The following OSBPL5 variants were observed in gnomAD, a reference collection of about 807,000 sequenced individuals.
The protein encoded by OSBPL5 is oxysterol-binding protein-related protein 5.
OSBPL5 carries 71 observed loss-of-function variants against 111.2 expected under a neutral mutation model. The observed-to-expected ratio is 0.64, with a 90% CI of 0.53 to 0.78. The LOEUF (loss-of-function observed/expected upper bound fraction) is 0.78. Among genes scored for constraint, OSBPL5 ranks in the 30% least tolerant of loss-of-function variants. OSBPL5 has a pLI of 0.00. For missense variants in OSBPL5, 1,210 were observed against 1,189.3 expected (o/e 1.02, Z -0.26); for synonymous variants, 549 against 513.9 (o/e 1.07, Z -0.93).
rs902791091 is a variant in OSBPL5 at position 3,104,488 on chromosome 11, G to A, written c.1060-111C>T. 4.1e-6 allele frequency: 5 copies of A among 1,227,230 alleles called. No individual in the cohort carries two copies. The highest frequency in any genetic ancestry group is 5.6e-6 in the Non-Finnish European group (5 of 897,066). The allele number at this position is 1,227,230 out of a possible 1,614,324, so 76.0% of individuals were successfully genotyped here. The stretch of plus-strand genomic sequence containing the variant: ...GGCTGTACCTGCCACCCCTTAGGGT[G>A]TAAACCCCTGACCTGGCCTCCATGG... On this transcript the variant is annotated intron_variant, in intron 9 of 21. Transcript: ENST00000263650. The surrounding 1 kb of genome is among the most constrained non-coding windows in gnomAD (Gnocchi z 5.0).
At chr11:3,149,871 G>A (rs1460581276) in intron 1 of OSBPL5, among the ~76,000 whole-genome samples, 1 of 152,222 alleles carries the variant, frequency 6.6e-6, no homozygotes, top group African/African-American at 2.4e-5. Flanking sequence ...ATGCACGAGT[G>A]TGATGGTGGC....
chr11:3,103,763 A>T lies in OSBPL5; in HGVS notation c.1244+430T>A, dbSNP rs9735712. Among the ~76,000 whole-genome samples the T allele has an allele frequency of 3.9e-4, 20 of 51,232 alleles. 1 individual carries two copies. The South Asian group carries it at 8.8e-3, about 22-fold the overall frequency. The allele number at this position is 51,232 out of a possible 152,430, so 33.6% of individuals were successfully genotyped here. Reference sequence around the variant, plus strand: ...CTCTGCAACCCTCTTCCAGCTCTGCAGCCCCCTTCCAGCCTCTGCAGTCCC... The same window carrying T: ...CTCTGCAACCCTCTTCCAGCTCTGCTGCCCCCTTCCAGCCTCTGCAGTCCC... On this transcript the variant is annotated intron_variant, in intron 10 of 21. Transcript: ENST00000263650.
rs748843576 is a variant in OSBPL5, at chr11:3,126,502, T to C, written c.190A>G (p.Thr64Ala). 1.2e-6 allele frequency: 2 copies of C among 1,609,366 alleles called. No homozygotes were observed. Among genetic ancestry groups the C allele is most frequent in the Admixed American group, 3.3e-5 (2 of 59,718 alleles). The part of the protein sequence containing the change: ...PSLPRDEGPP[T>A]PSSATKVPPA... The stretch of plus-strand genomic sequence containing the variant: ...GGCACCTTCGTGGCAGAGCTTGGGG[T>C]CGGGGGCCCTTCATCCCTGGGCAGC... The change falls in exon 3 of 22, where the codon ACC becomes GCC. Residue 64 changes from threonine (T) to alanine (A), a missense_variant. Thr to Ala is a moderately conservative substitution (Grantham distance 58). Coordinates refer to ENST00000263650, the MANE Select transcript of OSBPL5 (RefSeq NM_020896.4). This position sits in a 1 kb window ranked among gnomAD's most constrained non-coding sequence, Gnocchi z 6.5.
At position 3,110,890 on chromosome 11, in the gene OSBPL5, G is replaced by A. The variant is rs552310051; in HGVS notation, c.692-2945C>T. On this transcript the variant is annotated intron_variant, in intron 7 of 21. Transcript: ENST00000263650. The surrounding 1 kb of genome is among the most constrained non-coding windows in gnomAD (Gnocchi z 5.3). Reference sequence around the variant, plus strand: ...CCAAACTGTGCTCTGACCACCCTGGGCACATCGTCAGGACCTCCTGAGGCT... The same window carrying A: ...CCAAACTGTGCTCTGACCACCCTGGACACATCGTCAGGACCTCCTGAGGCT... 1.3e-5 allele frequency among the ~76,000 whole-genome samples: 2 copies of A among 152,236 alleles called. No homozygotes were observed. Among genetic ancestry groups the A allele is most frequent in the South Asian group, 4.2e-4 (2 of 4,816 alleles).
chr11:3,143,689 G>A (rs1207596716), intron 1 of OSBPL5, among the ~76,000 whole-genome samples: 1 of 152,270 alleles, frequency 6.6e-6, no homozygotes, highest in Non-Finnish European at 1.5e-5. Flanking sequence ...GTGCTTGCCA[G>A]GGCCCGGCCC....
chr11:3,095,518 A>C (rs1048650924), intron 14 of OSBPL5, among the ~76,000 whole-genome samples: 2 of 152,122 alleles, frequency 1.3e-5, no homozygotes, highest in South Asian at 2.1e-4. Flanking sequence ...TGGGGTGTGC[A>C]GGGGGCCCCT....
chr11:3,126,419 C>G lies in OSBPL5; in HGVS notation c.219+54G>C. The G allele has an allele frequency of 6.8e-7, 1 of 1,477,864 alleles. No individual in the cohort carries two copies. The highest frequency in any genetic ancestry group is 1.4e-5 in the African/African-American group (1 of 70,996). The allele number at this position is 1,477,864 out of a possible 1,614,324, so 91.5% of individuals were successfully genotyped here. ...TGTCCTTTTCCCCAGCCGTTTCCTG[C>G]TGTCCCCAGAGCCAGGCTCTGGCTC... On this transcript the variant is annotated intron_variant, in intron 3 of 21. Transcript: ENST00000263650. This position sits in a 1 kb window ranked among gnomAD's most constrained non-coding sequence, Gnocchi z 6.5.
In OSBPL5 at chr11:3,089,932, G is replaced by A; in HGVS notation, c.2415C>T (p.Cys805=). The change falls in exon 21 of 22, where the codon TGC becomes TGT. Residue 805 remains cysteine, a synonymous_variant. Transcript: ENST00000263650. ...GCCGCGCCTCCTTCCTGCACCGAGG[G>A]CATGGGCTCTCACCGCCTGGGACGG... ...GDFVPGGESP[C]PRCRKEARRL... 1.3e-6 allele frequency: 2 copies of A among 1,556,774 alleles called. No individual in the cohort carries two copies. The highest frequency in any genetic ancestry group is 1.9e-5 in the Admixed American group (1 of 52,806).
At position 3,104,983 on chromosome 11, in the gene OSBPL5, C is replaced by A. The variant is rs1564831926; in HGVS notation, c.1060-606G>T. Among the ~76,000 whole-genome samples, 1 of 152,136 alleles carries A rather than the reference C, an allele frequency of 6.6e-6. No homozygotes were observed. The highest frequency in any genetic ancestry group is 1.5e-5 in the Non-Finnish European group (1 of 68,016). ...CCCCTCACTTCCGAAGCCTGTGTGC[C>A]CCTCACGAAGGCCCCCTCATCTCTT... On this transcript the variant is annotated intron_variant, in intron 9 of 21. Transcript: ENST00000263650. This position sits in a 1 kb window ranked among gnomAD's most constrained non-coding sequence, Gnocchi z 5.0.
rs551869993 is a variant in OSBPL5 at position 3,128,242 on chromosome 11, C to A, written c.136+771G>T. On this transcript the variant is annotated intron_variant, in intron 2 of 21. Coordinates refer to ENST00000263650, the MANE Select transcript of OSBPL5 (RefSeq NM_020896.4). ...CTCCCCCCAGGGCAGATGAGATGAC[C>A]ATGGCCAGGCAGGGCTGGGGCTCCC... Among the ~76,000 whole-genome samples the A allele has an allele frequency of 1.3e-3, 202 of 152,304 alleles. 1 individual carries two copies. The highest frequency in any genetic ancestry group is 4.5e-3 in the African/African-American group (187 of 41,570).
chr11:3,148,165 C>T (rs149220226), intron 1 of OSBPL5, among the ~76,000 whole-genome samples: 2,373 of 152,324 alleles, frequency 0.016, 17 homozygotes, highest in Non-Finnish European at 0.021. Context: ...ACAGTACAGC[C>T]GGGACTCCCC....
rs1421009437 is a variant in OSBPL5 at position 3,146,838 on chromosome 11, G to A, written c.-21-17669C>T. ...GGTCCCTGGCAGCCAGATCCCCTTC[G>A]CCGTGGCTGGAGCTGGCGTTTCTAT... On this transcript the variant is annotated intron_variant, in intron 1 of 21. Coordinates refer to ENST00000263650, the MANE Select transcript of OSBPL5 (RefSeq NM_020896.4). This position sits in a 1 kb window ranked among gnomAD's most constrained non-coding sequence, Gnocchi z 7.8. Among the ~76,000 whole-genome samples the A allele has an allele frequency of 1.3e-5, 2 of 152,116 alleles. No homozygotes were observed. Among genetic ancestry groups the A allele is most frequent in the Non-Finnish European group, 2.9e-5 (2 of 68,012 alleles).
Position 3,126,290 on chromosome 11 carries a change from C to A in OSBPL5, c.219+183G>T, listed in dbSNP as rs920337160. On this transcript the variant is annotated intron_variant, in intron 3 of 21. Transcript: ENST00000263650. This position sits in a 1 kb window ranked among gnomAD's most constrained non-coding sequence, Gnocchi z 6.5. ...TTTCATGACAGCTATATGGTGAAAACAGCCCAAATATCCACCAGCAGCCCT... is the reference window on the plus strand; with the variant it reads ...TTTCATGACAGCTATATGGTGAAAAAAGCCCAAATATCCACCAGCAGCCCT... Among the ~76,000 whole-genome samples, 4 of 152,190 alleles carry A rather than the reference C, an allele frequency of 2.6e-5. No homozygotes were observed. Among genetic ancestry groups the A allele is most frequent in the Non-Finnish European group, 5.9e-5 (4 of 68,040 alleles).
Position 3,092,366 on chromosome 11 carries a change from C to G in OSBPL5, c.2259+66G>C, listed in dbSNP as rs113239327. On this transcript the variant is annotated intron_variant, in intron 19 of 21. Transcript: ENST00000263650. This position sits in a 1 kb window ranked among gnomAD's most constrained non-coding sequence, Gnocchi z 5.4. ...GGGAAGGGAGGAGTGAGGTGAGGAG[C>G]GAGGGGTGGTGGTGGCCACACGTGC... is the stretch of plus-strand genomic sequence containing the variant. The G allele has an allele frequency of 2.0e-6, 3 of 1,488,138 alleles. No individual in the cohort carries two copies. The highest frequency in any genetic ancestry group is 2.5e-5 in the East Asian group (1 of 40,788). The allele number at this position is 1,488,138 out of a possible 1,614,324, so 92.2% of individuals were successfully genotyped here.
chr11:3,152,635 C>T (rs1162240648), intron 1 of OSBPL5, among the ~76,000 whole-genome samples: 21 of 152,210 alleles, frequency 1.4e-4, no homozygotes, highest in Admixed American at 1.4e-3. Context: ...GCGAGGCACG[C>T]AGCGCCCCTA....
chr11:3,157,478 G>T (rs997068547), intron 1 of OSBPL5, among the ~76,000 whole-genome samples: 1 of 152,192 alleles, frequency 6.6e-6, no homozygotes, highest in African/African-American at 2.4e-5. Context: ...GCAGCACCCC[G>T]ATGGAGGCAG....
At chr11:3,119,139 A>G (rs1008351176) in intron 7 of OSBPL5, among the ~76,000 whole-genome samples, 1 of 151,908 alleles carries the variant, frequency 6.6e-6, no homozygotes, top group Non-Finnish European at 1.5e-5. Context: ...TCTCCCGAGT[A>G]GCTGGGATTA....
intron 1 of OSBPL5, among the ~76,000 whole-genome samples, chr11:3,145,741 G>T (rs1160820349): frequency 6.6e-6 from 1 of 152,234 alleles, no homozygotes; most frequent in Non-Finnish European, 1.5e-5. Context: ...CAGATGAGAA[G>T]AGGGAGGCCC....
intron 15 of OSBPL5, 36 bp from the exon 16 acceptor site, chr11:3,093,871 G>A (rs200672096): frequency 4.4e-4 from 704 of 1,586,696 alleles, no homozygotes; most frequent in East Asian, 7.1e-4. Context: ...CCCAGTGAGC[G>A]GGGGCTGGGG....
Sources: gnomAD v4.1 joint callset for allele counts (sites outside exome capture counted in the v4.1 genomes callset) on GRCh38, gnomAD v4.1.1 for gene constraint, Gnocchi (gnomAD v3.1) non-coding constraint, MANE v1.5 for transcripts, NCBI Gene and HGNC (gene_info 2026-07-23, HGNC 2026-07-21) for gene names.